The following COL4A2 variants were observed in gnomAD, a reference collection of about 807,000 sequenced individuals.
COL4A2 encodes the protein collagen alpha-2(IV) chain.
In COL4A2, 99 loss-of-function variants were observed where a neutral mutation model predicts 200.2. That is an observed-to-expected ratio of 0.49 (90% CI 0.42 to 0.58). The LOEUF (loss-of-function observed/expected upper bound fraction) is 0.58. COL4A2 is among the 20% of genes least tolerant of loss of function. The probability of loss-of-function intolerance (pLI) is 0.00; values close to 1 mark genes in which losing one functional copy is unlikely to be tolerated. For synonymous variants in COL4A2, 897 were observed against 900.6 expected (o/e 1.00, Z 0.07); for missense variants, 1,950 against 2,314.1 (o/e 0.84, Z 3.23).
At chr13:110,374,393 GCA>G (rs1594176787) in intron 4 of COL4A2, among the ~76,000 whole-genome samples, 1 of 152,162 alleles carries the variant, frequency 6.6e-6, no homozygotes, top group African/African-American at 2.4e-5. Context: ...GTATGATGTT[GCA>G]CCTTGAAACT....
At chr13:110,473,364 T>C in intron 29 of COL4A2, 1 of 525,860 alleles carries the variant, frequency 1.9e-6, no homozygotes, top group Non-Finnish European at 3.3e-6. Context: ...TCTGGCCATC[T>C]GAGAACTTTG....
chr13:110,467,596 A>T (rs908300668), intron 27 of COL4A2, among the ~76,000 whole-genome samples: 7 of 152,330 alleles, frequency 4.6e-5, no homozygotes, highest in African/African-American at 1.7e-4. Flanking sequence ...AGCCCATGTG[A>T]GAAAGAGTCT....
At position 110,335,455 on chromosome 13, in the gene COL4A2, C is replaced by T. The variant is rs144711741; in HGVS notation, c.100-22017C>T. ...GGAAACCCCTTTTGCTTGGTTATCA[C>T]TCTCTCTTGTCTGCCACCATGTAAG... On this transcript the variant is annotated intron_variant, in intron 3 of 47. Coordinates refer to ENST00000360467, the MANE Select transcript of COL4A2 (RefSeq NM_001846.4). Among the ~76,000 whole-genome samples the T allele has an allele frequency of 7.9e-5, 12 of 152,304 alleles. No individual in the cohort carries two copies. The East Asian group carries it at 9.7e-4, about 12-fold the overall frequency.
chr13:110,398,615 C>T (rs1409733041), intron 4 of COL4A2, among the ~76,000 whole-genome samples: 1 of 152,114 alleles, frequency 6.6e-6, no homozygotes, highest in Non-Finnish European at 1.5e-5. Flanking sequence ...ATCGCTTGAA[C>T]CCAGGAGGTG....
chr13:110,460,313 G>A (rs973287906), intron 22 of COL4A2, among the ~76,000 whole-genome samples: 1 of 152,062 alleles, frequency 6.6e-6, no homozygotes, highest in Non-Finnish European at 1.5e-5. Flanking sequence ...CCATGCCCTA[G>A]GTTTTCTCAG....
chr13:110,318,827 CT>C (rs1885210111), intron 3 of COL4A2, among the ~76,000 whole-genome samples: 1 of 151,970 alleles, frequency 6.6e-6, no homozygotes, highest in Non-Finnish European at 1.5e-5. Context: ...TCCTCAATAC[CT>C]AAAGAACTTG....
rs1491386978 is a variant in COL4A2 at position 110,355,841 on chromosome 13, G to GA, written c.100-1631_100-1630insA. Among the ~76,000 whole-genome samples, 14 of 8,304 alleles carry GA rather than the reference G, an allele frequency of 1.7e-3. 2 individuals carry two copies. The highest frequency in any genetic ancestry group is 9.2e-3 in the South Asian group (2 of 218). 5.4% of individuals were successfully genotyped at this position (8,304 alleles called of 152,430 possible). A position where few individuals can be genotyped will look rare whatever the true frequency, so the allele number is the denominator to read the frequency against. ...GGGCTGCACTAGCTCACCTGTGTGTGGGGGGGAGGGCTGTACTAGCTCACC... is the reference window on the plus strand; with the variant it reads ...GGGCTGCACTAGCTCACCTGTGTGTGAGGGGGGAGGGCTGTACTAGCTCACC... On this transcript the variant is annotated intron_variant, in intron 3 of 47. Transcript: ENST00000360467.
chr13:110,469,904 G>GTTTT (rs1882397916), intron 28 of COL4A2, among the ~76,000 whole-genome samples: 1 of 55,664 alleles, frequency 1.8e-5, no homozygotes, highest in African/African-American at 7.1e-5. Context: ...GGGCATACAC[G>GTTTT]TCTTTTTTTT....
At chr13:110,434,622 A>T (rs1477384897) in intron 12 of COL4A2, among the ~76,000 whole-genome samples, 180 bp downstream of exon 12, 2 of 152,262 alleles carry the variant, frequency 1.3e-5, no homozygotes, top group Non-Finnish European at 2.9e-5. Context: ...CATACCAGTG[A>T]TAATTCTGCA....
At position 110,468,352 on chromosome 13, in the gene COL4A2, CT is replaced by C. The variant is rs534791551; in HGVS notation, c.2096-864del. On this transcript the variant is annotated intron_variant, in intron 27 of 47. Transcript: ENST00000360467. The stretch of plus-strand genomic sequence containing the variant: ...CCATCCATGGATTTCAACACCGTCA[CT>C]CATACAGCAACCCCCAAAATGGTGA... 2.6e-4 allele frequency: 121 copies of C among 471,074 alleles called. No individual in the cohort carries two copies. The East Asian group carries it at 7.6e-3, about 30-fold the overall frequency. 29.2% of individuals were successfully genotyped at this position (471,074 alleles called of 1,614,324 possible).
intron 4 of COL4A2, among the ~76,000 whole-genome samples, chr13:110,390,582 T>C (rs1470663065): frequency 6.6e-6 from 1 of 152,222 alleles, no homozygotes; most frequent in African/African-American, 2.4e-5. Context: ...ACTTGTGTAT[T>C]GGGAACTTCA....
At chr13:110,345,481 G>A (rs1174444932) in intron 3 of COL4A2, among the ~76,000 whole-genome samples, 2 of 152,118 alleles carry the variant, frequency 1.3e-5, no homozygotes, top group Non-Finnish European at 2.9e-5. Context: ...GCAGATGCTG[G>A]CTTCACACCC....
Position 110,462,315 on chromosome 13 carries a change from G to A in COL4A2, c.1707G>A (p.Gly569=), listed in dbSNP as rs1882061676. ...AGCCCGGCGTCCCAGGTGTGCCCGG[G>A]ATGAAAGGTGACGATGGCAGCCCAG... ...RGQPGVPGVP[G]MKGDDGSPGR... Residue 569 remains glycine (G), a synonymous_variant, in exon 24 of 48, where the codon GGG becomes GGA. Coordinates refer to ENST00000360467, the MANE Select transcript of COL4A2 (RefSeq NM_001846.4). 6.2e-7 allele frequency: 1 copy of A among 1,614,108 alleles called. No homozygotes were observed. The highest frequency in any genetic ancestry group is 1.7e-5 in the Admixed American group (1 of 60,012).
intron 25 of COL4A2, 33 bp from the exon 26 acceptor site, chr13:110,465,970 T>TAA (rs1882224311): frequency 6.2e-7 from 1 of 1,605,118 alleles, no homozygotes; most frequent in Non-Finnish European, 8.5e-7. Context: ...TGTTTCAAAA[T>TAA]TGCCTCACTC....
At chr13:110,415,859 C>G (rs1880022962) in intron 4 of COL4A2, among the ~76,000 whole-genome samples, 1 of 152,194 alleles carries the variant, frequency 6.6e-6, no homozygotes. Context: ...TGCAGAGGCC[C>G]CATGGGGTAA....
chr13:110,338,150 A>T (rs1876285507), intron 3 of COL4A2, among the ~76,000 whole-genome samples: 1 of 152,194 alleles, frequency 6.6e-6, no homozygotes. Context: ...TGTGCATTTT[A>T]TTATATTCTA....
intron 29 of COL4A2, 161 bp from the exon 30 acceptor site, chr13:110,477,842 A>G (rs1594097464): frequency 6.4e-6 from 4 of 622,466 alleles, no homozygotes; most frequent in Middle Eastern, 7.3e-4. Flanking sequence ...GGTGTGCCTT[A>G]CCTGATTTTA....
At chr13:110,418,816 A>G (rs1421146836) in intron 4 of COL4A2, among the ~76,000 whole-genome samples, 1 of 152,238 alleles carries the variant, frequency 6.6e-6, no homozygotes, top group East Asian at 1.9e-4. Flanking sequence ...TATACTGTAC[A>G]AATACTAGCC....
intron 45 of COL4A2, among the ~76,000 whole-genome samples, chr13:110,505,793 C>T (rs771296341): frequency 1.9e-4 from 29 of 152,146 alleles, no homozygotes; most frequent in Non-Finnish European, 7.4e-5. Context: ...AAGTGTCCAG[C>T]GGAGGGAGGC....
Sources: allele counts gnomAD v4.1 joint callset (sites outside exome capture counted in the v4.1 genomes callset), GRCh38; gene constraint gnomAD v4.1.1; transcripts MANE v1.5; gene names NCBI Gene and HGNC (gene_info 2026-07-23, HGNC 2026-07-21).